ALDH1A1: variants seen among roughly 807,000 people sequenced by gnomAD.
The protein encoded by ALDH1A1 is aldehyde dehydrogenase 1 family member A1.
ALDH1A1 carries 19 observed loss-of-function variants against 62.1 expected under a neutral mutation model. The observed-to-expected ratio is 0.31, with a 90% CI of 0.21 to 0.45. ALDH1A1 has a LOEUF of 0.45. Ranked by LOEUF, ALDH1A1 falls within the 20% of genes least tolerant of loss-of-function variation. ALDH1A1 has a pLI of 1.00. For missense variants in ALDH1A1, 521 were observed against 607.1 expected (o/e 0.86, Z 1.49); for synonymous variants, 231 against 215.9 (o/e 1.07, Z -0.61).
chr9:72,916,175 G>A (rs1588134126), intron 9 of ALDH1A1, among the ~76,000 whole-genome samples: 1 of 152,066 alleles, frequency 6.6e-6, no homozygotes, highest in South Asian at 2.1e-4. Flanking sequence ...ATTGCCAAAT[G>A]TCCCCGGGGT....
At chr9:72,951,459 G>C (rs1248996734) in intron 1 of ALDH1A1, among the ~76,000 whole-genome samples, 2 of 151,446 alleles carry the variant, frequency 1.3e-5, no homozygotes, top group African/African-American at 4.8e-5. Context: ...CAAAGGAGTG[G>C]GGAGACAGGG....
At chr9:72,912,394 A>G (rs1830003870) in intron 9 of ALDH1A1, among the ~76,000 whole-genome samples, 1 of 152,206 alleles carries the variant, frequency 6.6e-6, no homozygotes, top group Admixed American at 6.5e-5. Context: ...CACATAAAAA[A>G]CACATAAATG....
At position 72,930,918 on chromosome 9, in the gene ALDH1A1, C is replaced by A; in HGVS notation, c.273G>T (p.Lys91Asn). The A allele has an allele frequency of 1.2e-6, 2 of 1,614,088 alleles. No individual in the cohort carries two copies. Among genetic ancestry groups the A allele is most frequent in the Admixed American group, 1.7e-5 (1 of 60,012 alleles). ...GATCTCTTTCGATTAAATCAGCCAACTTGTATAATAGTCGCCCCCTCTCGG... is the reference window on the plus strand; with the variant it reads ...GATCTCTTTCGATTAAATCAGCCAAATTGTATAATAGTCGCCCCCTCTCGG... ...DASERGRLLY[K>N]LADLIERDRL... The change falls in exon 3 of 13, where the codon AAG becomes AAT. Residue 91 changes from lysine (K) to asparagine (N), a missense_variant. Coordinates refer to ENST00000297785, the MANE Select transcript of ALDH1A1 (RefSeq NM_000689.5).
intron 5 of ALDH1A1, among the ~76,000 whole-genome samples, chr9:72,926,379 A>T (rs1206150619): frequency 1.3e-5 from 2 of 152,214 alleles, no homozygotes; most frequent in Non-Finnish European, 2.9e-5. Flanking sequence ...TTTCAATCTC[A>T]TTGGAGCCAA....
intron 12 of ALDH1A1, 76 bp from the exon 13 acceptor site, chr9:72,901,356 C>A (rs528309299): frequency 1.9e-6 from 2 of 1,039,274 alleles, no homozygotes; most frequent in Non-Finnish European, 1.4e-6. Flanking sequence ...ATGTTTGGTA[C>A]GAGTTTGTTC....
chr9:72,921,120 G>T (rs1303839881), intron 7 of ALDH1A1, among the ~76,000 whole-genome samples: 1 of 151,942 alleles, frequency 6.6e-6, no homozygotes, highest in East Asian at 1.9e-4. Context: ...GGTGGTGGGC[G>T]CCTGTAGTCC....
intron 12 of ALDH1A1, among the ~76,000 whole-genome samples, chr9:72,902,964 T>A (rs1829826122): frequency 6.6e-6 from 1 of 151,200 alleles, no homozygotes; most frequent in Non-Finnish European, 1.5e-5. Context: ...GGGTCCACAC[T>A]GTAAAAAAAA....
At chr9:72,929,343 T>C (rs1382272294) in intron 3 of ALDH1A1, among the ~76,000 whole-genome samples, 1 of 152,238 alleles carries the variant, frequency 6.6e-6, no homozygotes. Flanking sequence ...AACCTAGTCT[T>C]CTAAGTCCTA....
intron 9 of ALDH1A1, among the ~76,000 whole-genome samples, chr9:72,912,926 A>G (rs8187971): frequency 2.1e-3 from 317 of 152,282 alleles, no homozygotes; most frequent in African/African-American, 7.1e-3. Flanking sequence ...CTCAATTTCT[A>G]TTTTGTGACA....
At chr9:72,918,613 CTTTTTTTTTT>C (rs3079046) in intron 8 of ALDH1A1, 97 bp downstream of exon 8, 8 of 279,436 alleles carry the variant, frequency 2.9e-5, no homozygotes, top group East Asian at 7.6e-5. Flanking sequence ...GAAGCAAATG[CTTTTTTTTTT>C]TTTTTTTTTT....
At chr9:72,950,102 A>G (rs567236863) in intron 1 of ALDH1A1, among the ~76,000 whole-genome samples, 1 of 151,990 alleles carries the variant, frequency 6.6e-6, no homozygotes, top group East Asian at 1.9e-4. Flanking sequence ...TTCTGGAAAA[A>G]CTGGAAAGGA....
chr9:72,945,296 A>G (rs1830462680), intron 1 of ALDH1A1, among the ~76,000 whole-genome samples: 1 of 151,878 alleles, frequency 6.6e-6, no homozygotes, highest in African/African-American at 2.4e-5. Context: ...TCCTTGCAAA[A>G]GATACTCAGA....
intron 1 of ALDH1A1, among the ~76,000 whole-genome samples, chr9:72,949,141 A>G (rs1830508359): frequency 6.6e-6 from 1 of 151,948 alleles, no homozygotes. Flanking sequence ...CAGACATTTC[A>G]CATCCATGTC....
At position 72,928,879 on chromosome 9, in the gene ALDH1A1, C is replaced by G. The variant is rs375118284; in HGVS notation, c.442+13G>C. ...CCTATCCTCACCATTAGTGGTTTCT[C>G]AAAGATACTTACCAATTGGTATTGT... is the stretch of plus-strand genomic sequence containing the variant. On this transcript the variant is annotated intron_variant, in intron 4 of 12. Coordinates refer to ENST00000297785, the MANE Select transcript of ALDH1A1 (RefSeq NM_000689.5). 6 of 1,612,502 alleles carry G rather than the reference C, an allele frequency of 3.7e-6. No individual in the cohort carries two copies. Among genetic ancestry groups the G allele is most frequent in the Non-Finnish European group, 5.1e-6 (6 of 1,179,442 alleles).
Position 72,923,732 on chromosome 9 carries a change from T to A in ALDH1A1, c.747+287A>T, listed in dbSNP as rs8187937. ...CTATGGCCTAATTTTCTATTATAAA[T>A]CTTCCTAATAATATGACAAGGTCTC... On this transcript the variant is annotated intron_variant, in intron 7 of 12. Transcript: ENST00000297785. The A allele has an allele frequency of 3.0e-3, 648 of 214,034 alleles. 6 individuals carry two copies. The highest frequency in any genetic ancestry group is 0.014 in the African/African-American group (610 of 43,106). 13.3% of individuals were successfully genotyped at this position (214,034 alleles called of 1,614,324 possible).
intron 7 of ALDH1A1, among the ~76,000 whole-genome samples, chr9:72,921,224 A>G (rs1830138054): frequency 6.8e-6 from 1 of 148,054 alleles, no homozygotes; most frequent in Non-Finnish European, 1.5e-5. Context: ...CCTGGGTGAC[A>G]GTGCACGACT....
At position 72,953,027 on chromosome 9, in the gene ALDH1A1, TG is replaced by T. The variant is rs1830560909; in HGVS notation, c.-28del. The T allele has an allele frequency of 3.1e-6, 5 of 1,612,758 alleles. No homozygotes were observed. In the East Asian group the frequency reaches 6.7e-5, roughly 22 times the overall value. On this transcript the variant is annotated 5_prime_UTR_variant, in exon 1 of 13. Coordinates refer to ENST00000297785, the MANE Select transcript of ALDH1A1 (RefSeq NM_000689.5). The stretch of plus-strand genomic sequence containing the variant: ...TCTGATTCGGCTCCTGGAACACAGG[TG>T]ACTGGCTCAGCAATTTGGTTCTGAT...
chr9:72,925,350 T>C, intron 6 of ALDH1A1, 134 bp downstream of exon 6: 5 of 1,031,804 alleles, frequency 4.8e-6, no homozygotes, highest in South Asian at 1.8e-5. Context: ...CCAGCCGTCA[T>C]GCTAAATGTA....
chr9:72,952,505 T>C (rs1435080186), intron 1 of ALDH1A1, among the ~76,000 whole-genome samples: 1 of 152,020 alleles, frequency 6.6e-6, no homozygotes, highest in Non-Finnish European at 1.5e-5. Flanking sequence ...TTAAACATAT[T>C]GGAAAGTTAT....
Sources: allele counts gnomAD v4.1 joint callset (sites outside exome capture counted in the v4.1 genomes callset), GRCh38; gene constraint gnomAD v4.1.1; transcripts MANE v1.5; gene names NCBI Gene and HGNC (gene_info 2026-07-23, HGNC 2026-07-21).